The following BRAF variants were observed in gnomAD, a reference collection of about 807,000 sequenced individuals.
The protein encoded by BRAF is B-Raf proto-oncogene, serine/threonine kinase.
Under a neutral mutation model 104.6 loss-of-function variants are expected in BRAF, and 16 were observed. The observed-to-expected ratio is 0.15, with a 90% confidence interval of 0.10 to 0.23. The LOEUF is 0.23. BRAF is among the 10% of genes least tolerant of loss of function. The probability of loss-of-function intolerance (pLI) is 1.00; values close to 1 mark genes in which losing one functional copy is unlikely to be tolerated. For synonymous variants in BRAF, 310 were observed against 341.6 expected, an observed-to-expected ratio of 0.91 and a Z score of 1.02; for missense variants, 541 against 937.3, an observed-to-expected ratio of 0.58 and a Z score of 5.52.
chr7:140,742,019 T>C (rs551763062), intron 17 of BRAF, among the ~76,000 whole-genome samples: 1 of 152,242 alleles, frequency 6.6e-6, no homozygotes, highest in South Asian at 2.1e-4. Flanking sequence ...TAACATAACC[T>C]TGTGGACACA....
chr7:140,736,403 A>G (rs541332563), intron 18 of BRAF, among the ~76,000 whole-genome samples: 11 of 148,960 alleles, frequency 7.4e-5, no homozygotes, highest in Non-Finnish European at 1.3e-4. Context: ...AAAAATACAT[A>G]CATGAAAACA....
chr7:140,819,721 G>C (rs1290327990), intron 3 of BRAF, among the ~76,000 whole-genome samples: 1 of 152,176 alleles, frequency 6.6e-6, no homozygotes, highest in Non-Finnish European at 1.5e-5. Flanking sequence ...CTAAGTAAAA[G>C]AAGTCAGTCA....
intron 1 of BRAF, among the ~76,000 whole-genome samples, chr7:140,920,599 G>C (rs1818109602): frequency 7.2e-5 from 11 of 152,196 alleles, no homozygotes; most frequent in Admixed American, 7.2e-4. Context: ...ATTAAATCAA[G>C]TTTGCACTCA....
intron 10 of BRAF, among the ~76,000 whole-genome samples, chr7:140,784,942 T>A (rs1801208628): frequency 6.6e-6 from 1 of 152,160 alleles, no homozygotes; most frequent in Non-Finnish European, 1.5e-5. Context: ...CCACCGCGCC[T>A]GGCCCGACTT....
At chr7:140,789,096 A>G (rs184681048) in intron 8 of BRAF, among the ~76,000 whole-genome samples, 7 of 151,802 alleles carry the variant, frequency 4.6e-5, no homozygotes, top group Admixed American at 4.6e-4. Flanking sequence ...GTAATCCTAG[A>G]TACTCAGGAG....
intron 1 of BRAF, among the ~76,000 whole-genome samples, chr7:140,910,373 T>C (rs1816831717): frequency 6.6e-6 from 1 of 152,254 alleles, no homozygotes; most frequent in South Asian, 2.1e-4. Flanking sequence ...CAACTTCCCA[T>C]GTCTTCTTGA....
intron 1 of BRAF, among the ~76,000 whole-genome samples, chr7:140,856,901 A>T (rs1562998365): frequency 6.6e-6 from 1 of 152,238 alleles, no homozygotes; most frequent in Admixed American, 6.5e-5. Flanking sequence ...ACTGACGTTA[A>T]GGTGCAAGAA....
At chr7:140,786,443 C>G (rs2129030249) in intron 9 of BRAF, among the ~76,000 whole-genome samples, 1 of 152,246 alleles carries the variant, frequency 6.6e-6, no homozygotes, top group East Asian at 1.9e-4. Flanking sequence ...CAGAAGACAA[C>G]AGGGAAGGTA....
chr7:140,843,111 T>C (rs1193684519), intron 2 of BRAF, among the ~76,000 whole-genome samples: 5 of 152,210 alleles, frequency 3.3e-5, no homozygotes, highest in East Asian at 3.8e-4. Flanking sequence ...CTGGAAATTT[T>C]TGACTTATTA....
At chr7:140,791,311 T>C (rs143891460) in intron 8 of BRAF, among the ~76,000 whole-genome samples, 1 of 152,338 alleles carries the variant, frequency 6.6e-6, no homozygotes, top group Non-Finnish European at 1.5e-5. Flanking sequence ...ATTGCCAAAA[T>C]TGATAGTCCT....
chr7:140,765,310 A>G (rs1052115234), intron 14 of BRAF, among the ~76,000 whole-genome samples: 2 of 152,232 alleles, frequency 1.3e-5, no homozygotes, highest in Admixed American at 6.5e-5. Context: ...AAGATGGATT[A>G]AAGACTTAAA....
At chr7:140,809,944 A>G (rs192915162) in intron 3 of BRAF, among the ~76,000 whole-genome samples, 2 of 152,312 alleles carry the variant, frequency 1.3e-5, no homozygotes, top group East Asian at 3.9e-4. Context: ...CATCCCCCAC[A>G]GGCAAATCTG....
At chr7:140,857,253 A>G (rs1023660366) in intron 1 of BRAF, among the ~76,000 whole-genome samples, 2 of 152,226 alleles carry the variant, frequency 1.3e-5, no homozygotes, top group Admixed American at 6.5e-5. Context: ...CTGACCTTGA[A>G]GATGGAGGAG....
intron 7 of BRAF, among the ~76,000 whole-genome samples, chr7:140,795,579 A>T (rs1293063842): frequency 6.6e-6 from 1 of 152,206 alleles, no homozygotes; most frequent in African/African-American, 2.4e-5. Flanking sequence ...GGAATGAATA[A>T]AGGTTTGAAG....
At chr7:140,761,491 A>C (rs1169452624) in intron 14 of BRAF, among the ~76,000 whole-genome samples, 3 of 152,092 alleles carry the variant, frequency 2.0e-5, no homozygotes, top group Non-Finnish European at 4.4e-5. Flanking sequence ...TAACGAGCAA[A>C]ATAACCAGCT....
At chr7:140,803,526 A>G (rs1803342007) in intron 5 of BRAF, among the ~76,000 whole-genome samples, 1 of 151,962 alleles carries the variant, frequency 6.6e-6, no homozygotes, top group Non-Finnish European at 1.5e-5. Context: ...TAATCTTACT[A>G]AAAAAAATAA....
intron 17 of BRAF, among the ~76,000 whole-genome samples, chr7:140,748,409 G>A (rs948541860): frequency 6.6e-6 from 1 of 152,100 alleles, no homozygotes; most frequent in African/African-American, 2.4e-5. Flanking sequence ...AAAAAATGCA[G>A]GTGATTGGAC....
Position 140,719,796 on chromosome 7 carries a change from G to A in BRAF, c.*6698C>T. ...AGAGAGGTCTGTGGACAATTAAAAA[G>A]TCCCCATCTTTTCACTGGGCACGCC... On this transcript the variant is annotated 3_prime_UTR_variant, in exon 20 of 20. Coordinates refer to ENST00000644969, the MANE Select transcript of BRAF (RefSeq NM_001374258.1). 1.0e-5 allele frequency: 11 copies of A among 1,062,824 alleles called. No homozygotes were observed. Among genetic ancestry groups the A allele is most frequent in the Non-Finnish European group, 1.1e-5 (10 of 877,762 alleles). The allele number at this position is 1,062,824 out of a possible 1,614,324, so 65.8% of individuals were successfully genotyped here. A position where few individuals can be genotyped will look rare whatever the true frequency, so the allele number is the denominator to read the frequency against.
chr7:140,863,952 T>C (rs1052474205), intron 1 of BRAF, among the ~76,000 whole-genome samples: 3 of 152,182 alleles, frequency 2.0e-5, no homozygotes, highest in Admixed American at 1.3e-4. Context: ...CAGATAAATA[T>C]ACCATCCCAT....
Sources: allele counts gnomAD v4.1 joint callset (sites outside exome capture counted in the v4.1 genomes callset), GRCh38; gene constraint gnomAD v4.1.1; transcripts MANE v1.5; gene names NCBI Gene and HGNC (gene_info 2026-07-23, HGNC 2026-07-21).